Variants in SRFBP1 observed in about 807,000 individuals in gnomAD.
SRFBP1 encodes serum response factor binding protein 1, also known as serum response factor-binding protein 1.
A neutral mutation model predicts 45.5 loss-of-function variants in SRFBP1; 47 were observed. The ratio of observed to expected loss-of-function variants is 1.03; its 90% CI spans 0.82 to 1.32. The LOEUF (loss-of-function observed/expected upper bound fraction) is 1.32, where lower values mean the gene tolerates loss of function less well. Among genes scored for constraint, SRFBP1 ranks in the 40% most tolerant of loss-of-function variants. The probability of loss-of-function intolerance (pLI) is 0.00; values close to 1 mark genes in which losing one functional copy is unlikely to be tolerated. For synonymous variants in SRFBP1, 203 were observed against 166.3 expected, an observed-to-expected ratio of 1.22 and a Z score of -1.70; for missense variants, 621 against 484.6, an observed-to-expected ratio of 1.28 and a Z score of -2.64.
At chr5:122,075,353 C>A in exon 3 of SRFBP1, 1 of 1,502,620 alleles carries the variant, frequency 6.7e-7, no homozygotes, top group Non-Finnish European at 8.9e-7. Flanking sequence ...TCAAAAATCA[C>A]CTGAGAAATG....
At chr5:121,991,725 C>T (rs986486995) in intron 3 of SRFBP1, among the ~76,000 whole-genome samples, 1 of 152,144 alleles carries the variant, frequency 6.6e-6, no homozygotes, top group African/African-American at 2.4e-5. Context: ...TAGTACCTGA[C>T]AATTCCAGTT....
At chr5:121,984,655 A>G (rs1012527129) in intron 3 of SRFBP1, among the ~76,000 whole-genome samples, 3 of 151,790 alleles carry the variant, frequency 2.0e-5, no homozygotes, top group African/African-American at 7.2e-5. Context: ...GTACACTTTA[A>G]TTTTTAAGAA....
intron 1 of SRFBP1, among the ~76,000 whole-genome samples, chr5:121,963,983 C>T (rs1438952291): frequency 6.6e-6 from 1 of 151,958 alleles, no homozygotes; most frequent in Non-Finnish European, 1.5e-5. Flanking sequence ...GGCTAATGCC[C>T]TTAATAGGAA....
chr5:122,067,552 C>A (rs1168359300), intron 2 of SRFBP1, among the ~76,000 whole-genome samples: 2 of 152,078 alleles, frequency 1.3e-5, no homozygotes, highest in Non-Finnish European at 1.5e-5. Flanking sequence ...TACACAGCCA[C>A]CAGACTGACC....
At position 122,027,064 on chromosome 5, in the gene SRFBP1, C is replaced by T. The variant is rs562977263; in HGVS notation, c.1228C>T (p.Arg410Ter). The T allele has an allele frequency of 4.3e-6, 7 of 1,610,916 alleles. No homozygotes were observed. Among genetic ancestry groups the T allele is most frequent in the East Asian group, 2.2e-5 (1 of 44,646 alleles). The stretch of plus-strand genomic sequence containing the variant: ...TCCTTCATGGGAAGCAAGCAGAAGG[C>T]GAAAAGAACAGCAATCTAATATTGC... ...LHPSWEASRR[R>*]KEQQSNIAVF... The change falls in exon 8 of 8, where the codon CGA (arginine) becomes TGA (stop). Residue 410 changes from arginine (R) to a stop codon, truncating the protein, a stop_gained. Coordinates refer to ENST00000339397, the MANE Select transcript of SRFBP1 (RefSeq NM_152546.3). LOFTEE classifies it high-confidence loss of function.
chr5:121,995,620 C>G (rs1009572672), intron 4 of SRFBP1, among the ~76,000 whole-genome samples: 2 of 151,912 alleles, frequency 1.3e-5, no homozygotes, highest in African/African-American at 4.8e-5. Flanking sequence ...AAAGCAAGAG[C>G]AAACATTCAA....
At chr5:121,973,103 T>C (rs1297564852) in intron 1 of SRFBP1, among the ~76,000 whole-genome samples, 1 of 151,674 alleles carries the variant, frequency 6.6e-6, no homozygotes, top group Non-Finnish European at 1.5e-5. Flanking sequence ...CAAGAAGAAT[T>C]TGAGGAATTT....
chr5:121,995,828 G>T (rs1260417037), intron 4 of SRFBP1, among the ~76,000 whole-genome samples: 1 of 151,474 alleles, frequency 6.6e-6, no homozygotes, highest in Admixed American at 6.6e-5. Context: ...TGATAAAGGG[G>T]ATATCACCAC....
chr5:121,987,286 C>T (rs1447570968), intron 3 of SRFBP1, among the ~76,000 whole-genome samples: 1 of 152,018 alleles, frequency 6.6e-6, no homozygotes, highest in Admixed American at 6.6e-5. Flanking sequence ...GCTGTCTAAT[C>T]CTAGCAGCAG....
intron 4 of SRFBP1, among the ~76,000 whole-genome samples, chr5:122,008,856 AATATT>A (rs1483187252): frequency 1.3e-5 from 2 of 152,198 alleles, no homozygotes; most frequent in African/African-American, 4.8e-5. Flanking sequence ...CCAAAAATAA[AATATT>A]ATAATAAAAT....
At chr5:122,030,570 G>A (rs1324631282), downstream of SRFBP1, among the ~76,000 whole-genome samples, 2 of 151,026 alleles carry the variant, frequency 1.3e-5, no homozygotes, top group African/African-American at 2.4e-5. Context: ...CTTTTTCCCA[G>A]AGATTGTTTT....
At chr5:121,967,441 C>T (rs1437730222) in intron 1 of SRFBP1, among the ~76,000 whole-genome samples, 1 of 152,070 alleles carries the variant, frequency 6.6e-6, no homozygotes, top group East Asian at 1.9e-4. Context: ...AATCACTAAG[C>T]ACTCTAGGTA....
At chr5:122,049,610 G>T (rs548005308) in intron 2 of SRFBP1, among the ~76,000 whole-genome samples, 28 of 151,150 alleles carry the variant, frequency 1.9e-4, no homozygotes, top group Non-Finnish European at 3.0e-5. Flanking sequence ...TACCAATATT[G>T]ACCACACATT....
At chr5:122,078,263 G>T, downstream of SRFBP1, 1 of 373,480 alleles carries the variant, frequency 2.7e-6, no homozygotes, top group South Asian at 1.1e-4. Context: ...AGTGTCTGGA[G>T]TGAAGGAAGG....
At chr5:122,049,182 T>G (rs1365031612) in intron 2 of SRFBP1, among the ~76,000 whole-genome samples, 1 of 152,078 alleles carries the variant, frequency 6.6e-6, no homozygotes, top group African/African-American at 2.4e-5. Flanking sequence ...TGGAGGAAGA[T>G]CTACCAAGCA....
intron 7 of SRFBP1, among the ~76,000 whole-genome samples, chr5:122,025,133 C>T (rs1232768216): frequency 1.3e-5 from 2 of 151,970 alleles, no homozygotes; most frequent in Admixed American, 6.5e-5. Flanking sequence ...CACAACAGTC[C>T]CCGGTGTGTG....
intron 2 of SRFBP1, among the ~76,000 whole-genome samples, chr5:122,034,473 A>C (rs891445730): frequency 6.6e-6 from 1 of 151,316 alleles, no homozygotes; most frequent in African/African-American, 2.4e-5. Context: ...TAGAATCTGT[A>C]TTGTCCATCT....
chr5:121,996,867 A>G (rs528564860), intron 4 of SRFBP1, among the ~76,000 whole-genome samples: 4 of 147,670 alleles, frequency 2.7e-5, no homozygotes, highest in African/African-American at 7.9e-5. Flanking sequence ...TTATACACCA[A>G]CAACAGACAA....
chr5:121,995,697 C>A (rs1752709926), intron 4 of SRFBP1, among the ~76,000 whole-genome samples: 1 of 152,004 alleles, frequency 6.6e-6, no homozygotes, highest in South Asian at 2.1e-4. Flanking sequence ...ACACAAAAAA[C>A]CCTTCAAAAA....
Sources: allele counts gnomAD v4.1 joint callset (sites outside exome capture counted in the v4.1 genomes callset), GRCh38; gene constraint gnomAD v4.1.1; transcripts MANE v1.5; gene names NCBI Gene and HGNC (gene_info 2026-07-23, HGNC 2026-07-21).